PC: variants seen among roughly 807,000 people sequenced by gnomAD.
The protein encoded by PC is pyruvate carboxylase.
Under a neutral mutation model 107.8 loss-of-function variants are expected in PC, and 46 were observed. The ratio of observed to expected loss-of-function variants is 0.43; its 90% CI spans 0.34 to 0.55. PC has a LOEUF of 0.55. Ranked by LOEUF, PC falls within the 20% of genes least tolerant of loss-of-function variation. PC has a pLI of 0.04. For missense variants in PC, 1,241 were observed against 1,643.1 expected, an observed-to-expected ratio of 0.76 and a Z score of 4.23; for synonymous variants, 662 against 684.7, an observed-to-expected ratio of 0.97 and a Z score of 0.52.
Position 66,870,569 on chromosome 11 carries a change from AG to A in PC, c.752-117del. The A allele has an allele frequency of 7.8e-7, 1 of 1,278,076 alleles. No homozygotes were observed. The allele number at this position is 1,278,076 out of a possible 1,614,324, so 79.2% of individuals were successfully genotyped here. A position where few individuals can be genotyped will look rare whatever the true frequency, so the allele number is the denominator to read the frequency against. ...TCAGTGCCGGCTGCCAGCGGTACAG[AG>A]GCTGCCAGGAGAGACACCAGCATCA... On this transcript the variant is annotated intron_variant, in intron 8 of 22. Coordinates refer to ENST00000393960, the MANE Select transcript of PC (RefSeq NM_001040716.2). The surrounding 1 kb of genome is among the most constrained non-coding windows in gnomAD (Gnocchi z 6.1).
chr11:66,915,403 C>A (rs928993601), intron 3 of PC, among the ~76,000 whole-genome samples: 10 of 152,224 alleles, frequency 6.6e-5, no homozygotes, highest in African/African-American at 2.4e-4. Context: ...CAGGGAATGG[C>A]CTTCTGCCAG....
intron 2 of PC, among the ~76,000 whole-genome samples, chr11:66,953,810 AC>A (rs905017183): frequency 9.2e-5 from 14 of 152,086 alleles, no homozygotes; most frequent in Admixed American, 9.2e-4. Context: ...GCAGTGAGCC[AC>A]CTAGCCTGCC....
chr11:66,907,420 G>A (rs1591266294), intron 3 of PC, among the ~76,000 whole-genome samples: 1 of 152,232 alleles, frequency 6.6e-6, no homozygotes, highest in East Asian at 1.9e-4. Flanking sequence ...CCAGCTACTC[G>A]GGAGGCTGAG....
At position 66,872,017 on chromosome 11, in the gene PC, T is replaced by C; in HGVS notation, c.136+7A>G. 6.4e-7 allele frequency: 1 copy of C among 1,558,410 alleles called. No individual in the cohort carries two copies. Among genetic ancestry groups the C allele is most frequent in the Non-Finnish European group, 8.7e-7 (1 of 1,151,016 alleles). On this transcript the variant is annotated splice_region_variant and intron_variant, in intron 4 of 22. Transcript: ENST00000393960. Reference sequence around the variant, plus strand: ...AGGCTCCTCTCACCGGCCCCACTGGTGCTCACCTCTGTTGGCCACCATGAC... The same window carrying C: ...AGGCTCCTCTCACCGGCCCCACTGGCGCTCACCTCTGTTGGCCACCATGAC...
At chr11:66,893,336 GA>G (rs1466832038) in intron 3 of PC, among the ~76,000 whole-genome samples, 6 of 152,164 alleles carry the variant, frequency 3.9e-5, no homozygotes, top group Non-Finnish European at 8.8e-5. Flanking sequence ...GCAAATCCCA[GA>G]AGGGCCCAGA....
chr11:66,909,210 G>A (rs926142357), intron 3 of PC, among the ~76,000 whole-genome samples: 23 of 152,194 alleles, frequency 1.5e-4, no homozygotes, highest in Non-Finnish European at 2.1e-4. Context: ...ACCAACTCCC[G>A]TACTCGCCTT....
intron 3 of PC, among the ~76,000 whole-genome samples, chr11:66,901,407 C>T (rs535649115): frequency 1.3e-5 from 2 of 152,350 alleles, no homozygotes; most frequent in African/African-American, 4.8e-5. Flanking sequence ...GTCGCTATGA[C>T]AGTTCCTGCT....
In PC at chr11:66,866,363, G is replaced by C. The variant is rs111858832; in HGVS notation, c.1023-14C>G. 7.1e-4 allele frequency: 1,135 copies of C among 1,603,638 alleles called. 2 individuals carry two copies. The highest frequency in any genetic ancestry group is 2.4e-3 in the Admixed American group (144 of 59,684). On this transcript the variant is annotated splice_polypyrimidine_tract_variant and intron_variant, in intron 10 of 22. Coordinates refer to ENST00000393960, the MANE Select transcript of PC (RefSeq NM_001040716.2). This position sits in a 1 kb window ranked among gnomAD's most constrained non-coding sequence, Gnocchi z 5.4. ...ACCAGGTCTACGCTGTAGGGCATTG[G>C]GGGGAGGGGGGAAAGGACGGGAGAA...
chr11:66,877,133 C>T (rs760138293), intron 3 of PC, among the ~76,000 whole-genome samples: 1 of 152,208 alleles, frequency 6.6e-6, no homozygotes, highest in Non-Finnish European at 1.5e-5. Flanking sequence ...CGCCTGTAAT[C>T]CCAGCACTTT....
chr11:66,912,619 G>A (rs1015409964), intron 3 of PC, among the ~76,000 whole-genome samples: 3 of 152,144 alleles, frequency 2.0e-5, no homozygotes, highest in Non-Finnish European at 2.9e-5. Context: ...CCTGCTCTCC[G>A]CTGGTTTCCT....
chr11:66,942,054 A>G (rs1455175585), intron 3 of PC, among the ~76,000 whole-genome samples: 1 of 150,270 alleles, frequency 6.7e-6, no homozygotes, highest in Admixed American at 6.6e-5. Flanking sequence ...GTGAGCCGAG[A>G]TCGCACCATT....
chr11:66,871,331 G>A lies in PC; in HGVS notation c.471C>T (p.Ala157=). ...TATATTCACCCGCAGCAATGGCGAT[G>A]GCCCGGGCCTCCACCTTGTCTCCCA... is the stretch of plus-strand genomic sequence containing the variant. ...RKMGDKVEAR[A]IAIAAGVPVV... is the part of the protein sequence containing the mutation. Residue 157 remains alanine, a synonymous_variant, in exon 6 of 23, where the codon GCC becomes GCT. Coordinates refer to ENST00000393960, the MANE Select transcript of PC (RefSeq NM_001040716.2). The surrounding 1 kb of genome is among the most constrained non-coding windows in gnomAD (Gnocchi z 7.4). 2 of 1,613,976 alleles carry A rather than the reference G, an allele frequency of 1.2e-6. No individual in the cohort carries two copies. The highest frequency in any genetic ancestry group is 1.7e-6 in the Non-Finnish European group (2 of 1,180,032).
rs377273237 is a variant in PC at position 66,954,709 on chromosome 11, C to A, written c.-227-273G>T. Among the ~76,000 whole-genome samples, 9 of 152,256 alleles carry A rather than the reference C, an allele frequency of 5.9e-5. No individual in the cohort carries two copies. The East Asian group carries it at 1.2e-3, about 20-fold the overall frequency. On this transcript the variant is annotated intron_variant, in intron 1 of 22. Coordinates refer to ENST00000393960, the MANE Select transcript of PC (RefSeq NM_001040716.2). ...CCTGTAATCCCAGCACTTTGGGAGG[C>A]CAAGGCAGGTGATCACCTGAAGTCA...
In PC at chr11:66,857,748, G is replaced by A. The variant is rs774482313; in HGVS notation, c.1369-4365C>T. ...CCCTTCCTACAGGGCGCTCACCATG[G>A]CCCCGCCGCTCCTGCTGCTGCTGCT... On this transcript the variant is annotated intron_variant, in intron 12 of 22. Transcript: ENST00000393960. The surrounding 1 kb of genome is among the most constrained non-coding windows in gnomAD (Gnocchi z 7.1). The A allele has an allele frequency of 6.9e-6, 11 of 1,590,856 alleles. No individual in the cohort carries two copies. Among genetic ancestry groups the A allele is most frequent in the Admixed American group, 6.7e-5 (4 of 59,686 alleles).
At chr11:66,915,581 C>T (rs1200558096) in intron 3 of PC, among the ~76,000 whole-genome samples, 1 of 152,180 alleles carries the variant, frequency 6.6e-6, no homozygotes. Context: ...TGGACCACTC[C>T]GTGCCCTGTG....
In PC at chr11:66,852,784, G is replaced by A. The variant is rs768255364; in HGVS notation, c.1566C>T (p.Pro522=). 2 of 1,600,546 alleles carry A rather than the reference G, an allele frequency of 1.2e-6. No homozygotes were observed. Among genetic ancestry groups the A allele is most frequent in the Admixed American group, 3.4e-5 (2 of 59,180 alleles). Residue 522 remains proline, a synonymous_variant, in exon 14 of 23, where the codon CCC becomes CCT. Coordinates refer to ENST00000393960, the MANE Select transcript of PC (RefSeq NM_001040716.2). This position sits in a 1 kb window ranked among gnomAD's most constrained non-coding sequence, Gnocchi z 4.7. The part of the protein sequence containing the change: ...PTTPIPVKAS[P]SPTDPVVPAV... ...CAGGGACAACGGGGTCCGTGGGGCT[G>A]GGGCTGGCCTTGACGGGAATCGGGG...
chr11:66,949,332 T>C (rs1949383092), intron 3 of PC, among the ~76,000 whole-genome samples: 1 of 152,066 alleles, frequency 6.6e-6, no homozygotes, highest in South Asian at 2.1e-4. Context: ...AAGTTGAATA[T>C]GATTTATAAG....
Position 66,950,212 on chromosome 11 carries a change from C to T in PC, c.-1+2218G>A, listed in dbSNP as rs916729263. Among the ~76,000 whole-genome samples, 18 of 152,126 alleles carry T rather than the reference C, an allele frequency of 1.2e-4. No homozygotes were observed. In the East Asian group the frequency reaches 1.3e-3, roughly 11 times the overall value. On this transcript the variant is annotated intron_variant, in intron 3 of 22. Coordinates refer to ENST00000393960, the MANE Select transcript of PC (RefSeq NM_001040716.2). ...CAGACAAGAGAAAGGTGACACACAT[C>T]CCCAGAGACTAAGTATGACTCAGCA...
Position 66,857,826 on chromosome 11 carries a change from G to C in PC, c.1369-4443C>G, listed in dbSNP as rs1237650030. 6.2e-7 allele frequency: 1 copy of C among 1,604,488 alleles called. No individual in the cohort carries two copies. Among genetic ancestry groups the C allele is most frequent in the South Asian group, 1.1e-5 (1 of 91,078 alleles). On this transcript the variant is annotated intron_variant, in intron 12 of 22. Transcript: ENST00000393960. The surrounding 1 kb of genome is among the most constrained non-coding windows in gnomAD (Gnocchi z 7.1). ...GCCCTGCGTCTGCCAGAACCTGTCC[G>C]AGTCGCTCAGCACCCTCTGTGCCCA... is the stretch of plus-strand genomic sequence containing the variant.
Sources: gnomAD v4.1 joint callset for allele counts (sites outside exome capture counted in the v4.1 genomes callset) on GRCh38, gnomAD v4.1.1 for gene constraint, Gnocchi (gnomAD v3.1) non-coding constraint, MANE v1.5 for transcripts, NCBI Gene and HGNC (gene_info 2026-07-23, HGNC 2026-07-21) for gene names.